OSBPL6: variants seen among roughly 807,000 people sequenced by gnomAD.
OSBPL6 encodes oxysterol binding protein like 6, also known as oxysterol-binding protein-related protein 6.
Under a neutral mutation model 125.8 loss-of-function variants are expected in OSBPL6, and 49 were observed. That is an observed-to-expected ratio of 0.39 (90% CI 0.31 to 0.49). The LOEUF (loss-of-function observed/expected upper bound fraction) is 0.49, where lower values mean the gene tolerates loss of function less well. Among genes scored for constraint, OSBPL6 ranks in the 20% least tolerant of loss-of-function variants. OSBPL6 has a pLI of 0.88. For missense variants in OSBPL6, 986 were observed against 1,135.4 expected (o/e 0.87, Z 1.89); for synonymous variants, 394 against 391.8 (o/e 1.01, Z -0.07).
intron 1 of OSBPL6, among the ~76,000 whole-genome samples, chr2:178,242,386 A>G (rs932415117): frequency 6.6e-6 from 1 of 152,132 alleles, no homozygotes; most frequent in South Asian, 2.1e-4. Flanking sequence ...TGTAATCCCA[A>G]TTCCCACATC....
chr2:178,346,638 A>G (rs1690744095), intron 11 of OSBPL6, among the ~76,000 whole-genome samples: 2 of 152,214 alleles, frequency 1.3e-5, no homozygotes, highest in African/African-American at 4.8e-5. Flanking sequence ...AGGTATCAAC[A>G]TGGAGAGCTG....
At position 178,207,284 on chromosome 2, in the gene OSBPL6, GT is replaced by G. The variant is rs771240804; in HGVS notation, c.-351+12614del. ...CATGGCCACATAACTCAAAATCTCT[GT>G]TTTATTTTACATCCCTTTTCCTCTG... On this transcript the variant is annotated intron_variant, in intron 1 of 24. Transcript: ENST00000190611. 3.3e-5 allele frequency among the ~76,000 whole-genome samples: 5 copies of G among 152,228 alleles called. No individual in the cohort carries two copies. The South Asian group carries it at 6.2e-4, about 19-fold the overall frequency.
Position 178,385,534 on chromosome 2 carries a change from A to G in OSBPL6, c.2077+13A>G. The stretch of plus-strand genomic sequence containing the variant: ...GTGTTTTGGCAAGGTTTGTATTTCA[A>G]TTATAATTTAAAATCAAATGTATGA... On this transcript the variant is annotated intron_variant, in intron 19 of 24. Coordinates refer to ENST00000190611, the MANE Select transcript of OSBPL6 (RefSeq NM_032523.4). 1.3e-6 allele frequency: 2 copies of G among 1,569,764 alleles called. No individual in the cohort carries two copies. The highest frequency in any genetic ancestry group is 1.8e-6 in the Non-Finnish European group (2 of 1,140,772).
At chr2:178,314,086 T>C (rs966053204) in intron 3 of OSBPL6, among the ~76,000 whole-genome samples, 1 of 152,260 alleles carries the variant, frequency 6.6e-6, no homozygotes, top group African/African-American at 2.4e-5. Context: ...CTCCTCCGAC[T>C]GAGCCTCTGT....
intron 2 of OSBPL6, among the ~76,000 whole-genome samples, chr2:178,301,819 G>A (rs1261553902): frequency 6.6e-6 from 1 of 152,154 alleles, no homozygotes; most frequent in Non-Finnish European, 1.5e-5. Context: ...GGGGCTGTTT[G>A]TTAAGCCTGG....
chr2:178,235,563 C>T (rs1216895823), intron 1 of OSBPL6, among the ~76,000 whole-genome samples: 4 of 151,744 alleles, frequency 2.6e-5, no homozygotes, highest in Admixed American at 1.3e-4. Flanking sequence ...TGTGCCACTA[C>T]GCCCGGCTAA....
chr2:178,337,716 GT>G (rs1689815998), intron 9 of OSBPL6, among the ~76,000 whole-genome samples: 1 of 152,186 alleles, frequency 6.6e-6, no homozygotes. Context: ...CTTACGCTTA[GT>G]TTTGAGTCCT....
chr2:178,283,164 C>T (rs1684377230), intron 1 of OSBPL6, among the ~76,000 whole-genome samples: 2 of 152,098 alleles, frequency 1.3e-5, no homozygotes, highest in South Asian at 4.1e-4. Context: ...TACACGGAAT[C>T]GTCTTACAAC....
intron 1 of OSBPL6, among the ~76,000 whole-genome samples, chr2:178,224,569 G>A (rs1474125896): frequency 6.6e-6 from 1 of 152,160 alleles, no homozygotes; most frequent in African/African-American, 2.4e-5. Flanking sequence ...ACACCATTCA[G>A]AATTATAGGA....
chr2:178,395,283 G>C (rs926662707), intron 24 of OSBPL6, among the ~76,000 whole-genome samples, 168 bp from the exon 25 acceptor site: 1 of 152,120 alleles, frequency 6.6e-6, no homozygotes, highest in South Asian at 2.1e-4. Flanking sequence ...CAACAAAAAT[G>C]ACTTCACTTC....
intron 1 of OSBPL6, among the ~76,000 whole-genome samples, chr2:178,214,173 T>C (rs573482867): frequency 1.6e-4 from 25 of 152,276 alleles, no homozygotes; most frequent in African/African-American, 5.5e-4. Flanking sequence ...ATGAATGCAG[T>C]TGGACAGAAG....
In OSBPL6 at chr2:178,363,586, G is replaced by T. The variant is rs547302337; in HGVS notation, c.1287+1771G>T. Among the ~76,000 whole-genome samples, 247 of 152,276 alleles carry T rather than the reference G, an allele frequency of 1.6e-3. 2 individuals are homozygous for T. Among genetic ancestry groups the T allele is most frequent in the Middle Eastern group, 0.014 (4 of 294 alleles). On this transcript the variant is annotated intron_variant, in intron 13 of 24. Transcript: ENST00000190611. The stretch of plus-strand genomic sequence containing the variant: ...AGTTGAGAGCAGAGCCACAGATCAG[G>T]CTTCTTGGAGGAATCAGACCTTGAA...
At chr2:178,244,995 A>T (rs2091439320) in intron 1 of OSBPL6, among the ~76,000 whole-genome samples, 1 of 152,236 alleles carries the variant, frequency 6.6e-6, no homozygotes, top group African/African-American at 2.4e-5. Context: ...ATTAAAATGT[A>T]CTTTTCCAGC....
chr2:178,360,575 A>C (rs1049223807), intron 12 of OSBPL6, among the ~76,000 whole-genome samples: 4 of 152,268 alleles, frequency 2.6e-5, no homozygotes, highest in Non-Finnish European at 5.9e-5. Flanking sequence ...CACAATAAAA[A>C]AAATTTTTAA....
intron 9 of OSBPL6, among the ~76,000 whole-genome samples, chr2:178,338,295 A>G (rs1689883548): frequency 6.6e-6 from 1 of 151,996 alleles, no homozygotes; most frequent in Admixed American, 6.6e-5. Flanking sequence ...AAAGAGTGAT[A>G]TTTTATTGTA....
At position 178,361,700 on chromosome 2, in the gene OSBPL6, C is replaced by A. The variant is rs1300376223; in HGVS notation, c.1172C>A (p.Ser391Tyr). ...IAQKVHSLLK[S>Y]AFNSIAIEKE... Reference sequence around the variant, plus strand: ...CACCCAGTGCATTCTCTTTTGAAGTCTGCATTTAATAGCATAGCTATAGAG... The same window carrying A: ...CACCCAGTGCATTCTCTTTTGAAGTATGCATTTAATAGCATAGCTATAGAG... The change falls in exon 13 of 25, where the codon TCT becomes TAT. Residue 391 changes from serine to tyrosine, a missense_variant. Ser to Tyr is a moderately radical substitution (Grantham distance 144, BLOSUM62 -2). Around this residue, in one of 3 missense-constraint regions of OSBPL6, gnomAD observed 843 missense variants for 997.3 expected, o/e 0.85. Coordinates refer to ENST00000190611, the MANE Select transcript of OSBPL6 (RefSeq NM_032523.4). 1 of 1,613,862 alleles carries A rather than the reference C, an allele frequency of 6.2e-7. No homozygotes were observed. The highest frequency in any genetic ancestry group is 2.2e-5 in the East Asian group (1 of 44,896).
intron 11 of OSBPL6, among the ~76,000 whole-genome samples, chr2:178,342,594 G>C (rs1255363333): frequency 2.6e-5 from 4 of 152,124 alleles, no homozygotes; most frequent in Non-Finnish European, 5.9e-5. Context: ...TTGTCCTAGA[G>C]GGTTCTGTGG....
chr2:178,312,320 T>C (rs334599), intron 3 of OSBPL6, among the ~76,000 whole-genome samples: 120,269 of 151,256 alleles, frequency 0.8, 48,062 homozygotes, highest in East Asian at 0.97. Flanking sequence ...CCACCACGCC[T>C]GGCTAACTTT....
At chr2:178,305,302 G>A (rs932949770) in intron 2 of OSBPL6, among the ~76,000 whole-genome samples, 1 of 152,150 alleles carries the variant, frequency 6.6e-6, no homozygotes, top group Non-Finnish European at 1.5e-5. Context: ...GCCAATTTAA[G>A]AGCTTCTCTC....
Sources: gnomAD v4.1 joint callset for allele counts (sites outside exome capture counted in the v4.1 genomes callset) on GRCh38, gnomAD v4.1.1 for gene constraint, gnomAD v4.1.1 regional missense constraint, MANE v1.5 for transcripts, NCBI Gene and HGNC (gene_info 2026-07-23, HGNC 2026-07-21) for gene names.